CEP162: variants seen among roughly 807,000 people sequenced by gnomAD.
CEP162 encodes centrosomal protein of 162 kDa.
In CEP162, 141 loss-of-function variants were observed where a neutral mutation model predicts 169.2. The ratio of observed to expected loss-of-function variants is 0.83; its 90% CI spans 0.73 to 0.96. The LOEUF is 0.96. Among genes scored for constraint, CEP162 ranks in the 40% least tolerant of loss-of-function variants. The probability of loss-of-function intolerance (pLI) is 0.00; values close to 1 mark genes in which losing one functional copy is unlikely to be tolerated. For synonymous variants in CEP162, 540 were observed against 526.4 expected (o/e 1.03, Z -0.35); for missense variants, 1,600 against 1,587.2 (o/e 1.01, Z -0.14).
chr6:84,206,552 C>T (rs1280603089), intron 6 of CEP162, among the ~76,000 whole-genome samples: 1 of 152,166 alleles, frequency 6.6e-6, no homozygotes, highest in South Asian at 2.1e-4. Flanking sequence ...TTCCTTACAC[C>T]TTACACAAAA....
chr6:84,170,238 G>GT (rs1173742349), intron 17 of CEP162, among the ~76,000 whole-genome samples: 1 of 151,876 alleles, frequency 6.6e-6, no homozygotes, highest in Non-Finnish European at 1.5e-5. Flanking sequence ...GCCGGGCATG[G>GT]TGGCGGGTGC....
chr6:84,207,571 G>T (rs1037311339), intron 6 of CEP162, among the ~76,000 whole-genome samples: 9 of 122,806 alleles, frequency 7.3e-5, no homozygotes, highest in Non-Finnish European at 1.1e-4. Flanking sequence ...CTGTCATGGG[G>T]CGGGGGGAGG....
chr6:84,161,770 C>T lies in CEP162; in HGVS notation c.2652G>A (p.Glu884=), dbSNP rs761975394. ...CCTCAAGTTTGAGCTTCTCAATTTC[C>T]TCATTTGCTTCTCTAAGCCGAAGTG... is the stretch of plus-strand genomic sequence containing the variant. The part of the protein sequence containing the change: ...KDALRLREAN[E]EIEKLKLEIE... The change falls in exon 20 of 27, where the codon GAG becomes GAA. Residue 884 remains glutamate (E), a synonymous_variant. Coordinates refer to ENST00000403245, the MANE Select transcript of CEP162 (RefSeq NM_014895.4). 3 of 1,595,616 alleles carry T rather than the reference C, an allele frequency of 1.9e-6. No individual in the cohort carries two copies. The highest frequency in any genetic ancestry group is 1.1e-5 in the South Asian group (1 of 87,590).
intron 18 of CEP162, 55 bp downstream of exon 18, chr6:84,169,273 G>A: frequency 1.1e-6 from 1 of 929,608 alleles, no homozygotes; most frequent in Non-Finnish European, 1.6e-6. Flanking sequence ...ATAAAAATGG[G>A]GATTTTTATA....
At chr6:84,181,160 G>A (rs2099534653) in intron 13 of CEP162, among the ~76,000 whole-genome samples, 1 of 151,794 alleles carries the variant, frequency 6.6e-6, no homozygotes, top group Admixed American at 6.6e-5. Flanking sequence ...CAGAGATAGA[G>A]ACCAATGGAA....
chr6:84,206,972 G>A (rs1179054663), intron 6 of CEP162, among the ~76,000 whole-genome samples: 2 of 152,208 alleles, frequency 1.3e-5, no homozygotes, highest in Non-Finnish European at 2.9e-5. Context: ...GTGAAAAAAT[G>A]CTCATCATCA....
intron 25 of CEP162, among the ~76,000 whole-genome samples, chr6:84,140,941 G>A (rs79666723): frequency 0.044 from 6,683 of 152,234 alleles, 477 homozygotes; most frequent in African/African-American, 0.15. Flanking sequence ...AGGGAGGATG[G>A]TTTTGGGATG....
chr6:84,155,168 C>G (rs1018445294), intron 22 of CEP162, 130 bp downstream of exon 22: 1 of 715,644 alleles, frequency 1.4e-6, no homozygotes, highest in African/African-American at 1.8e-5. Context: ...TCTTTTGCAC[C>G]TATTGATACC....
At chr6:84,137,181 T>C (rs981307843) in intron 25 of CEP162, among the ~76,000 whole-genome samples, 1 of 152,224 alleles carries the variant, frequency 6.6e-6, no homozygotes, top group Admixed American at 6.5e-5. Context: ...TGAACTGCTG[T>C]GAGAATGACT....
At chr6:84,216,434 A>C (rs549743595) in intron 3 of CEP162, among the ~76,000 whole-genome samples, 64 of 152,292 alleles carry the variant, frequency 4.2e-4, no homozygotes, top group Non-Finnish European at 7.4e-4. Flanking sequence ...AAATAGTAAA[A>C]GCTCTTTCAA....
chr6:84,160,865 G>T lies in CEP162; in HGVS notation c.2728C>A (p.Arg910Ser), dbSNP rs139636206. The change falls in exon 21 of 27, where the codon CGC becomes AGC. Residue 910 changes from arginine to serine, a missense_variant. Transcript: ENST00000403245. ...SGNPSIRQKIRLKDKAADAKK... is the reference protein window; with the variant it reads ...SGNPSIRQKISLKDKAADAKK... ...GCATCTGCTGCTTTATCTTTTAAGC[G>T]TATCTTCTGCCGAATAGATGGATTC... 1.2e-6 allele frequency: 2 copies of T among 1,612,612 alleles called. No homozygotes were observed. The highest frequency in any genetic ancestry group is 1.3e-5 in the African/African-American group (1 of 74,876).
At chr6:84,215,960 C>A in intron 3 of CEP162, 38 bp from the exon 4 acceptor site, 1 of 1,479,212 alleles carries the variant, frequency 6.8e-7, no homozygotes. Flanking sequence ...GATTTATGTT[C>A]AAAGAATTGT....
chr6:84,153,120 T>C lies in CEP162; in HGVS notation c.3054A>G (p.Gln1018=), dbSNP rs1183568383. The stretch of plus-strand genomic sequence containing the variant: ...GGGCTTTAATTCTGGGAGAGTCATG[T>C]TGATTCAATTTGCAGGCAAGTAGCT... The part of the protein sequence containing the change: ...QEQLLACKLN[Q]HDSPRIKALE... Residue 1018 remains glutamine, a synonymous_variant, in exon 23 of 27, where the codon CAA becomes CAG. Transcript: ENST00000403245. The C allele has an allele frequency of 1.2e-6, 2 of 1,610,456 alleles. No individual in the cohort carries two copies. Among genetic ancestry groups the C allele is most frequent in the East Asian group, 2.2e-5 (1 of 44,844 alleles).
At chr6:84,163,297 C>G (rs2099526488) in intron 18 of CEP162, 27 bp from the exon 19 acceptor site, 1 of 1,550,820 alleles carries the variant, frequency 6.4e-7, no homozygotes, top group Admixed American at 1.7e-5. Context: ...AATATAAAAG[C>G]AAGTTTTTTA....
At chr6:84,196,675 C>A (rs1461409745) in intron 9 of CEP162, among the ~76,000 whole-genome samples, 1 of 151,998 alleles carries the variant, frequency 6.6e-6, no homozygotes, top group Non-Finnish European at 1.5e-5. Context: ...GGTTAATTAA[C>A]CAGTTATTAA....
intron 25 of CEP162, among the ~76,000 whole-genome samples, chr6:84,128,135 C>CT (rs2099509700): frequency 6.6e-6 from 1 of 152,180 alleles, no homozygotes; most frequent in African/African-American, 2.4e-5. Context: ...AGGTGTTTAA[C>CT]AATTATTCAT....
intron 22 of CEP162, among the ~76,000 whole-genome samples, chr6:84,154,303 T>C (rs1294838947): frequency 6.6e-6 from 1 of 151,984 alleles, no homozygotes. Context: ...TCCAGACATG[T>C]TATCAGGGAT....
At chr6:84,156,633 TAAAACCATTATGG>T (rs1213123506) in intron 21 of CEP162, among the ~76,000 whole-genome samples, 1 of 151,924 alleles carries the variant, frequency 6.6e-6, no homozygotes, top group Non-Finnish European at 1.5e-5. Flanking sequence ...TATAAATTAG[TAAAACCATTATGG>T]AAAACAGTGT....
In CEP162 at chr6:84,174,059, C is replaced by T; in HGVS notation, c.2155G>A (p.Gly719Arg). 1 of 1,612,050 alleles carries T rather than the reference C, an allele frequency of 6.2e-7. No homozygotes were observed. Among genetic ancestry groups the T allele is most frequent in the Non-Finnish European group, 8.5e-7 (1 of 1,179,128 alleles). The change falls in exon 16 of 27, where the codon GGA becomes AGA. Residue 719 changes from glycine to arginine, a missense_variant. Coordinates refer to ENST00000403245, the MANE Select transcript of CEP162 (RefSeq NM_014895.4). ...EIQEQETLLQ[G>R]YQQENERLYN... ...AAGAATTGCCATACCTGTTGATATC[C>T]TTGAAGAAGTGTCTCTTGTTCTTGT... is the stretch of plus-strand genomic sequence containing the variant.
Sources: gnomAD v4.1 joint callset for allele counts (sites outside exome capture counted in the v4.1 genomes callset) on GRCh38, gnomAD v4.1.1 for gene constraint, MANE v1.5 for transcripts, NCBI Gene and HGNC (gene_info 2026-07-23, HGNC 2026-07-21) for gene names.